The following TBC1D19 variants were observed in gnomAD, a reference collection of about 807,000 sequenced individuals.
The protein encoded by TBC1D19 is TBC1 domain family, member 19.
In TBC1D19, 60 loss-of-function variants were observed where a neutral mutation model predicts 89.0. The ratio of observed to expected loss-of-function variants is 0.67; its 90% CI spans 0.55 to 0.84. The LOEUF (loss-of-function observed/expected upper bound fraction) is 0.84. Among genes scored for constraint, TBC1D19 ranks in the 40% least tolerant of loss-of-function variants. The pLI, the probability that TBC1D19 is intolerant of heterozygous loss-of-function variation, is 0.00. For missense variants in TBC1D19, 500 were observed against 610.8 expected (o/e 0.82, Z 1.91); for synonymous variants, 189 against 199.7 (o/e 0.95, Z 0.45).
At chr4:26,582,297 A>AAG (rs1206093894), upstream of TBC1D19, among the ~76,000 whole-genome samples, 1 of 152,182 alleles carries the variant, frequency 6.6e-6, no homozygotes, top group African/African-American at 2.4e-5. Flanking sequence ...TGATACAGAG[A>AAG]AGAAAATGAA....
At chr4:26,830,202 C>A in the TBC1D19 span, among the ~76,000 whole-genome samples, 29 of 152,160 alleles carry the variant, frequency 1.9e-4, no homozygotes, top group Non-Finnish European at 1.6e-4. Flanking sequence ...GCAAATTACC[C>A]CCCCTTTTTG....
At chr4:26,602,435 C>CTTTTTT (rs34004440) in intron 1 of TBC1D19, among the ~76,000 whole-genome samples, 2 of 73,040 alleles carry the variant, frequency 2.7e-5, no homozygotes, top group African/African-American at 9.2e-5. Flanking sequence ...CTATTGTATT[C>CTTTTTT]TTTTTTTTTT....
At chr4:26,619,041 T>G (rs1197412601) in intron 3 of TBC1D19, among the ~76,000 whole-genome samples, 1 of 152,172 alleles carries the variant, frequency 6.6e-6, no homozygotes, top group Non-Finnish European at 1.5e-5. Context: ...GAGTAGGTTG[T>G]CATTAAATAT....
In TBC1D19 at chr4:26,585,278, A is replaced by G. The variant is rs75113388; in HGVS notation, c.99+986A>G. 9.8e-3 allele frequency: 3,869 copies of G among 394,704 alleles called. 121 individuals carry two copies. The highest frequency in any genetic ancestry group is 0.073 in the African/African-American group (3,450 of 47,570). The allele number at this position is 394,704 out of a possible 1,614,324, so 24.5% of individuals were successfully genotyped here. A position where few individuals can be genotyped will look rare whatever the true frequency, so the allele number is the denominator to read the frequency against. ...CCCACAAGCAATTCTGAGAGTTCCA[A>G]TTGTTTTGCGTCCTTGATAGCGCTT... is the stretch of plus-strand genomic sequence containing the variant. On this transcript the variant is annotated intron_variant, in intron 1 of 20. Coordinates refer to ENST00000264866, the MANE Select transcript of TBC1D19 (RefSeq NM_018317.4).
the TBC1D19 span, among the ~76,000 whole-genome samples, chr4:26,818,229 C>A: frequency 2.0e-5 from 3 of 151,844 alleles, no homozygotes; most frequent in African/African-American, 7.3e-5. Flanking sequence ...TTTTTATTTA[C>A]TTGTTTATTT....
At chr4:26,810,814 A>G in the TBC1D19 span, among the ~76,000 whole-genome samples, 1 of 152,314 alleles carries the variant, frequency 6.6e-6, no homozygotes, top group South Asian at 2.1e-4. Context: ...AGAATGCAGG[A>G]ACTCTATCTT....
intron 15 of TBC1D19, among the ~76,000 whole-genome samples, chr4:26,720,416 C>A (rs565226374): frequency 6.6e-5 from 10 of 152,202 alleles, no homozygotes; most frequent in African/African-American, 2.4e-4. Context: ...ACTAGCTAAT[C>A]CAATGCAGAC....
the TBC1D19 span, among the ~76,000 whole-genome samples, chr4:26,833,012 CA>C: frequency 4.0e-5 from 6 of 151,884 alleles, no homozygotes; most frequent in African/African-American, 7.3e-5. Context: ...AAAAACAAAA[CA>C]AAACAAAAAA....
chr4:26,621,163 G>A (rs182802557), intron 4 of TBC1D19, among the ~76,000 whole-genome samples: 14 of 152,112 alleles, frequency 9.2e-5, no homozygotes, highest in Non-Finnish European at 2.1e-4. Flanking sequence ...TATCAAAATG[G>A]GTTGGCAAAA....
At chr4:26,679,314 C>G (rs1236117546) in intron 11 of TBC1D19, among the ~76,000 whole-genome samples, 6 of 152,156 alleles carry the variant, frequency 3.9e-5, no homozygotes, top group African/African-American at 1.4e-4. Context: ...CCAGCCATGA[C>G]TAAAAGGGGC....
At chr4:26,760,622 T>A (rs558488510), downstream of TBC1D19, among the ~76,000 whole-genome samples, 4 of 152,264 alleles carry the variant, frequency 2.6e-5, no homozygotes, top group African/African-American at 9.6e-5. Flanking sequence ...ATGTAGCATA[T>A]GGTTTGCAAA....
chr4:26,792,691 T>A, the TBC1D19 span, among the ~76,000 whole-genome samples: 2 of 152,226 alleles, frequency 1.3e-5, no homozygotes, highest in Non-Finnish European at 2.9e-5. Flanking sequence ...TTTTAATTTA[T>A]AAGTACTCTA....
At chr4:26,740,835 T>G in intron 17 of TBC1D19, 1 of 985,386 alleles carries the variant, frequency 1.0e-6, no homozygotes, top group Non-Finnish European at 1.2e-6. Context: ...TATCCCCCCA[T>G]TCTAAGCCTA....
At chr4:26,854,997 C>T in the TBC1D19 span, among the ~76,000 whole-genome samples, 1 of 152,310 alleles carries the variant, frequency 6.6e-6, no homozygotes, top group African/African-American at 2.4e-5. Flanking sequence ...TTTCTCCCTT[C>T]TTCTCGCACT....
At chr4:26,828,854 C>A in the TBC1D19 span, among the ~76,000 whole-genome samples, 1 of 152,200 alleles carries the variant, frequency 6.6e-6, no homozygotes, top group East Asian at 1.9e-4. Context: ...AGGGCTTGGT[C>A]ATTGGTAGGC....
At chr4:26,614,279 T>C (rs1741543830) in intron 2 of TBC1D19, 129 bp from the exon 3 acceptor site, 1 of 610,902 alleles carries the variant, frequency 1.6e-6, no homozygotes, top group Non-Finnish European at 2.8e-6. Flanking sequence ...TACATAGGGA[T>C]TGGCAGTTGA....
chr4:26,629,484 G>A (rs151099600), intron 4 of TBC1D19, among the ~76,000 whole-genome samples: 11 of 152,062 alleles, frequency 7.2e-5, no homozygotes, highest in Middle Eastern at 3.4e-3. Context: ...TCCCCAGCCC[G>A]TGGTAGATAA....
At chr4:26,812,424 G>A in the TBC1D19 span, among the ~76,000 whole-genome samples, 1 of 152,172 alleles carries the variant, frequency 6.6e-6, no homozygotes, top group Non-Finnish European at 1.5e-5. The surrounding 1 kb of genome is among the most constrained non-coding windows in gnomAD (Gnocchi z 4.2). Context: ...GGAATTCCAA[G>A]AAACAATTCC....
At chr4:26,740,656 G>A in intron 17 of TBC1D19, 1 of 985,090 alleles carries the variant, frequency 1.0e-6, no homozygotes, top group Non-Finnish European at 1.2e-6. Flanking sequence ...ACCTGACTAA[G>A]AGCAGTATTT....
Sources: allele counts gnomAD v4.1 joint callset (sites outside exome capture counted in the v4.1 genomes callset), GRCh38; gene constraint gnomAD v4.1.1; non-coding constraint Gnocchi (gnomAD v3.1); transcripts MANE v1.5; gene names NCBI Gene and HGNC (gene_info 2026-07-23, HGNC 2026-07-21).